The following NWD1 variants were observed in gnomAD, a reference collection of about 807,000 sequenced individuals.
NWD1 encodes the protein NACHT and WD repeat domain containing 1.
A neutral mutation model predicts 135.1 loss-of-function variants in NWD1; 129 were observed. The ratio of observed to expected loss-of-function variants is 0.96; its 90% CI spans 0.83 to 1.11. NWD1 has a LOEUF of 1.11. Among genes scored for constraint, NWD1 ranks in the 50% least tolerant of loss-of-function variants. NWD1 has a pLI of 0.00. For synonymous variants in NWD1, 773 were observed against 786.0 expected (o/e 0.98, Z 0.28); for missense variants, 1,740 against 1,851.3 (o/e 0.94, Z 1.10).
intron 9 of NWD1, among the ~76,000 whole-genome samples, chr19:16,764,221 A>G (rs1293041309): frequency 6.6e-6 from 1 of 152,104 alleles, no homozygotes; most frequent in Non-Finnish European, 1.5e-5. Context: ...ACACCCTACC[A>G]CAGAAAATAA....
At chr19:16,770,843 A>G (rs1001028543) in intron 10 of NWD1, among the ~76,000 whole-genome samples, 3 of 152,162 alleles carry the variant, frequency 2.0e-5, no homozygotes, top group East Asian at 1.9e-4. Context: ...AAAATGTGCA[A>G]TTGAACTAAA....
At chr19:16,798,501 C>G (rs898338033) in intron 16 of NWD1, among the ~76,000 whole-genome samples, 1 of 152,098 alleles carries the variant, frequency 6.6e-6, no homozygotes, top group Non-Finnish European at 1.5e-5. Context: ...GTCCTAGCTA[C>G]TCAGGAATCT....
intron 10 of NWD1, 104 bp downstream of exon 10, chr19:16,765,296 C>G: frequency 9.1e-7 from 1 of 1,103,288 alleles, no homozygotes; most frequent in Non-Finnish European, 1.3e-6. Context: ...AATTCTCATA[C>G]CTTTCCTGTC....
intron 16 of NWD1, 82 bp downstream of exon 16, chr19:16,797,968 A>G: frequency 4.4e-6 from 6 of 1,374,616 alleles, no homozygotes. Context: ...TGGCTGCAAA[A>G]TACAGACACC....
chr19:16,765,285 C>G, intron 10 of NWD1, 93 bp downstream of exon 10: 2 of 1,268,198 alleles, frequency 1.6e-6, no homozygotes, highest in Non-Finnish European at 2.2e-6. Flanking sequence ...GGATTTTCAT[C>G]AATTCTCATA....
At chr19:16,800,817 T>G (rs772912154) in intron 17 of NWD1, among the ~76,000 whole-genome samples, 9 of 152,134 alleles carry the variant, frequency 5.9e-5, no homozygotes, top group Non-Finnish European at 1.0e-4. Flanking sequence ...GTTCGGAGGT[T>G]TGGCCCTACA....
chr19:16,729,855 G>A (rs1000601821), intron 2 of NWD1, among the ~76,000 whole-genome samples: 14 of 150,762 alleles, frequency 9.3e-5, no homozygotes, highest in Non-Finnish European at 1.3e-4. Context: ...GGCACAGAGC[G>A]AGACTCTGTC....
chr19:16,759,974 C>T (rs891905590), intron 7 of NWD1, among the ~76,000 whole-genome samples: 3 of 151,852 alleles, frequency 2.0e-5, no homozygotes, highest in Non-Finnish European at 4.4e-5. Context: ...AGCCTGGCAA[C>T]AGAGCGAGAC....
At chr19:16,809,946 C>T (rs1970872932) in intron 18 of NWD1, among the ~76,000 whole-genome samples, 1 of 152,116 alleles carries the variant, frequency 6.6e-6, no homozygotes, top group South Asian at 2.1e-4. Flanking sequence ...TTCTATCACC[C>T]CTTTCTATCT....
At chr19:16,767,988 T>C (rs1276663848) in intron 10 of NWD1, among the ~76,000 whole-genome samples, 2 of 130,892 alleles carry the variant, frequency 1.5e-5, no homozygotes, top group East Asian at 4.2e-4. Context: ...CTTCCTTTTT[T>C]TTTTTTTTTT....
intron 6 of NWD1, among the ~76,000 whole-genome samples, chr19:16,755,835 G>A (rs1466293057): frequency 1.3e-5 from 2 of 152,076 alleles, no homozygotes; most frequent in Non-Finnish European, 2.9e-5. Flanking sequence ...ACCGTACCTG[G>A]CCTATAATCT....
intron 18 of NWD1, chr19:16,812,759 A>T: frequency 1.3e-6 from 1 of 781,094 alleles, no homozygotes; most frequent in Non-Finnish European, 2.4e-6. Context: ...CTTACTGCAG[A>T]GGGGTCCAAT....
chr19:16,781,198 G>C (rs1428625691), intron 12 of NWD1, among the ~76,000 whole-genome samples: 1 of 152,162 alleles, frequency 6.6e-6, no homozygotes, highest in Admixed American at 6.6e-5. Flanking sequence ...TCGGGACTAG[G>C]ATGGAAAACT....
intron 16 of NWD1, among the ~76,000 whole-genome samples, chr19:16,799,663 A>C (rs71336791): frequency 0.086 from 13,023 of 151,622 alleles, 869 homozygotes; most frequent in African/African-American, 0.18. Flanking sequence ...TGCACCACCA[A>C]GCCTGGCTAA....
rs1432326413 is a variant in NWD1 at position 16,794,476 on chromosome 19, G to A, written c.3227G>A (p.Gly1076Glu). The A allele has an allele frequency of 1.2e-6, 2 of 1,610,806 alleles. No homozygotes were observed. The highest frequency in any genetic ancestry group is 1.7e-6 in the Non-Finnish European group (2 of 1,177,794). The change falls in exon 15 of 19, where the codon GGG (glycine) becomes GAG (glutamate). Residue 1076 changes from glycine to glutamate, a missense_variant. Coordinates refer to ENST00000524140, the MANE Select transcript of NWD1 (RefSeq NM_001007525.5). ...NGSISLVSSK[G>E]DRLLEKLPDA... ...GGTTCTGCACAGGTTTCCTCCAAAG[G>A]GGACAGATTGCTGGAGAAGCTTCCA...
chr19:16,773,551 G>A (rs1050588190), intron 11 of NWD1, among the ~76,000 whole-genome samples: 1 of 152,090 alleles, frequency 6.6e-6, no homozygotes, highest in Admixed American at 6.6e-5. Context: ...CCCGATGCTA[G>A]GGGGTGCCTC....
At chr19:16,779,237 C>T in intron 11 of NWD1, 106 bp from the exon 12 acceptor site, 5 of 1,306,320 alleles carry the variant, frequency 3.8e-6, no homozygotes, top group Non-Finnish European at 5.5e-6. Context: ...TCTCTCTGTG[C>T]CTCAGTTGTC....
At position 16,799,998 on chromosome 19, in the gene NWD1, C is replaced by A. The variant is rs1970548530; in HGVS notation, c.3572C>A (p.Ser1191Tyr). The A allele has an allele frequency of 3.7e-6, 6 of 1,614,206 alleles. No homozygotes were observed. In the East Asian group the frequency reaches 1.1e-4, roughly 30 times the overall value. ...TTGGTGGCATCTGCTTCCCCACAGT[C>A]CTCATCTTTCAAGGTCTGGGATCTC... ...GALVASASPQ[S>Y]SSFKVWDLSD... Residue 1191 changes from serine to tyrosine, a missense_variant, in exon 17 of 19, where the codon TCC (serine) becomes TAC (tyrosine). Coordinates refer to ENST00000524140, the MANE Select transcript of NWD1 (RefSeq NM_001007525.5).
At chr19:16,798,604 C>T (rs1970497154) in intron 16 of NWD1, among the ~76,000 whole-genome samples, 1 of 152,126 alleles carries the variant, frequency 6.6e-6, no homozygotes, top group African/African-American at 2.4e-5. Context: ...AAACAAGAAC[C>T]TGTCTCCAAA....
Sources: allele counts gnomAD v4.1 joint callset (sites outside exome capture counted in the v4.1 genomes callset), GRCh38; gene constraint gnomAD v4.1.1; transcripts MANE v1.5; gene names NCBI Gene and HGNC (gene_info 2026-07-23, HGNC 2026-07-21).